RABGAP1L: variants seen among roughly 807,000 people sequenced by gnomAD.
The protein encoded by RABGAP1L is rab GTPase-activating protein 1-like.
Under a neutral mutation model 137.7 loss-of-function variants are expected in RABGAP1L, and 63 were observed. That is an observed-to-expected ratio of 0.46 (90% CI 0.37 to 0.56). The LOEUF (loss-of-function observed/expected upper bound fraction) is 0.56, where lower values mean the gene tolerates loss of function less well. Ranked by LOEUF, RABGAP1L falls within the 20% of genes least tolerant of loss-of-function variation. The pLI is 0.00. For synonymous variants in RABGAP1L, 431 were observed against 433.7 expected (o/e 0.99, Z 0.08); for missense variants, 1,095 against 1,244.0 (o/e 0.88, Z 1.80).
intron 13 of RABGAP1L, among the ~76,000 whole-genome samples, chr1:174,625,601 C>T (rs1005914308): frequency 3.3e-5 from 5 of 152,068 alleles, no homozygotes; most frequent in African/African-American, 1.2e-4. Context: ...TCTGGCCTTA[C>T]AGTCACTTTT....
intron 12 of RABGAP1L, among the ~76,000 whole-genome samples, chr1:174,372,000 G>A (rs1011754247): frequency 6.6e-6 from 1 of 152,044 alleles, no homozygotes; most frequent in African/African-American, 2.4e-5. Context: ...TATCAAATTT[G>A]GACCAAAGTA....
intron 13 of RABGAP1L, among the ~76,000 whole-genome samples, chr1:174,557,519 G>A (rs1666954166): frequency 6.6e-6 from 1 of 152,178 alleles, no homozygotes; most frequent in African/African-American, 2.4e-5. Flanking sequence ...TAACCTTGAT[G>A]TAAGAGCAGG....
intron 11 of RABGAP1L, among the ~76,000 whole-genome samples, chr1:174,319,792 G>C (rs1034784459): frequency 6.6e-6 from 1 of 151,802 alleles, no homozygotes; most frequent in African/African-American, 2.4e-5. Flanking sequence ...TTATTGATAC[G>C]ATCTTAGGAT....
At chr1:174,414,790 C>G (rs1186473408) in intron 13 of RABGAP1L, among the ~76,000 whole-genome samples, 3 of 151,844 alleles carry the variant, frequency 2.0e-5, no homozygotes, top group African/African-American at 7.3e-5. Flanking sequence ...GTTTTTTTCA[C>G]TATAATTACT....
At chr1:174,719,033 TTCTCCATGTTGG>T (rs1291099167) in intron 17 of RABGAP1L, among the ~76,000 whole-genome samples, 4 of 151,936 alleles carry the variant, frequency 2.6e-5, no homozygotes, top group African/African-American at 9.7e-5. Flanking sequence ...GAGATGGGGT[TTCTCCATGTTGG>T]TCAGGCTGGT....
intron 21 of RABGAP1L, 119 bp downstream of exon 21, chr1:174,969,506 C>T (rs930829197): frequency 4.1e-6 from 3 of 728,410 alleles, no homozygotes; most frequent in South Asian, 1.7e-5. Flanking sequence ...GGACAAGTGG[C>T]AGGGACAGTC....
chr1:174,201,079 C>G (rs1177430749), intron 1 of RABGAP1L, among the ~76,000 whole-genome samples: 1 of 152,052 alleles, frequency 6.6e-6, no homozygotes, highest in Non-Finnish European at 1.5e-5. Flanking sequence ...CTGCTCCTAT[C>G]ATTATGGTAG....
At chr1:174,395,852 A>AAAAAG (rs968219604) in intron 13 of RABGAP1L, among the ~76,000 whole-genome samples, 2 of 151,644 alleles carry the variant, frequency 1.3e-5, no homozygotes, top group East Asian at 3.9e-4. Flanking sequence ...AAAAAAAAAA[A>AAAAAG]AAAGAAAGAA....
chr1:174,268,814 T>C (rs1048441144), intron 7 of RABGAP1L, among the ~76,000 whole-genome samples: 10 of 152,190 alleles, frequency 6.6e-5, no homozygotes, highest in African/African-American at 2.4e-4. Context: ...AAACACTAAG[T>C]ATTACTATGA....
chr1:174,349,863 AC>A (rs769557346), intron 11 of RABGAP1L, among the ~76,000 whole-genome samples: 1 of 84,090 alleles, frequency 1.2e-5, no homozygotes, highest in African/African-American at 5.0e-5. Context: ...CGGGGCGCTG[AC>A]CCCCCCACCT....
At chr1:174,297,175 A>G (rs1224940579) in intron 10 of RABGAP1L, among the ~76,000 whole-genome samples, 1 of 152,188 alleles carries the variant, frequency 6.6e-6, no homozygotes, top group Non-Finnish European at 1.5e-5. Flanking sequence ...ATAACAAAAG[A>G]CAGAATAACA....
chr1:174,897,855 C>T (rs1657472534), intron 19 of RABGAP1L: 1 of 151,824 alleles, frequency 6.6e-6, no homozygotes, highest in African/African-American at 2.4e-5. Flanking sequence ...GTTGCAGGTG[C>T]CTGTAATCCC....
intron 13 of RABGAP1L, among the ~76,000 whole-genome samples, chr1:174,422,274 T>G (rs1651407030): frequency 6.6e-6 from 1 of 152,146 alleles, no homozygotes; most frequent in South Asian, 2.1e-4. Context: ...ATATATATTA[T>G]ACATGAAACA....
chr1:174,709,291 C>G (rs1378750180), intron 17 of RABGAP1L, among the ~76,000 whole-genome samples: 1 of 152,210 alleles, frequency 6.6e-6, no homozygotes, highest in Admixed American at 6.5e-5. Context: ...CTGAAGAGAA[C>G]AGTGGATCTC....
chr1:174,168,221 T>A (rs1282573256), intron 1 of RABGAP1L, among the ~76,000 whole-genome samples: 1 of 136,200 alleles, frequency 7.3e-6, no homozygotes, highest in African/African-American at 2.8e-5. Context: ...GCCAAGATCG[T>A]GCCACTGCAC....
chr1:174,173,050 A>G (rs1325458769), intron 1 of RABGAP1L, among the ~76,000 whole-genome samples: 1 of 152,056 alleles, frequency 6.6e-6, no homozygotes, highest in Non-Finnish European at 1.5e-5. Flanking sequence ...TGTCAGTTGC[A>G]CTTAGATTGA....
intron 13 of RABGAP1L, among the ~76,000 whole-genome samples, chr1:174,439,827 G>A (rs777840875): frequency 2.0e-5 from 3 of 152,156 alleles, no homozygotes; most frequent in Non-Finnish European, 2.9e-5. Flanking sequence ...GTCTAGCACC[G>A]CAGTGTAGGC....
intron 12 of RABGAP1L, among the ~76,000 whole-genome samples, chr1:174,387,983 C>T (rs901134748): frequency 3.3e-5 from 5 of 151,768 alleles, no homozygotes; most frequent in Non-Finnish European, 7.4e-5. Context: ...GTCTTTTATA[C>T]GAGGATTGTC....
chr1:174,534,132 CTGTGTGTGTGTGTG>C (rs35255973), intron 13 of RABGAP1L, among the ~76,000 whole-genome samples: 286 of 132,620 alleles, frequency 2.2e-3, no homozygotes, highest in Non-Finnish European at 2.8e-3. Flanking sequence ...GAGGTCAACT[CTGTGTGTGTGTGTG>C]TGTGTGTGTG....
Sources: allele counts gnomAD v4.1 joint callset (sites outside exome capture counted in the v4.1 genomes callset), GRCh38; gene constraint gnomAD v4.1.1; transcripts MANE v1.5; gene names NCBI Gene and HGNC (gene_info 2026-07-23, HGNC 2026-07-21).